Variants in CNTLN observed in about 807,000 individuals in gnomAD.
The protein encoded by CNTLN is centlein, centrosomal protein.
Under a neutral mutation model 180.0 loss-of-function variants are expected in CNTLN, and 212 were observed. The observed-to-expected ratio is 1.18, with a 90% CI of 1.05 to 1.32. The LOEUF is 1.32. Ranked by LOEUF, CNTLN falls within the 40% of genes most tolerant of loss-of-function variation. The probability of loss-of-function intolerance (pLI) is 0.00; values close to 1 mark genes in which losing one functional copy is unlikely to be tolerated. For synonymous variants in CNTLN, 722 were observed against 563.1 expected (o/e 1.28, Z -3.99); for missense variants, 2,095 against 1,610.9 (o/e 1.30, Z -5.14).
chr9:17,473,739 T>C (rs572125431), intron 23 of CNTLN, among the ~76,000 whole-genome samples: 61 of 152,312 alleles, frequency 4.0e-4, no homozygotes, highest in African/African-American at 1.4e-3. Context: ...TTCCATTCTG[T>C]TTTGAACCTT....
chr9:17,299,687 G>T, intron 7 of CNTLN: 1 of 985,058 alleles, frequency 1.0e-6, no homozygotes, highest in Non-Finnish European at 1.2e-6. Context: ...TGCCCACTGT[G>T]TTTTTTGTTT....
intron 15 of CNTLN, among the ~76,000 whole-genome samples, chr9:17,405,600 C>A (rs1174968576): frequency 6.6e-6 from 1 of 151,486 alleles, no homozygotes; most frequent in Non-Finnish European, 1.5e-5. Flanking sequence ...TATTAGATTC[C>A]ACCTCCCAAC....
intron 14 of CNTLN, among the ~76,000 whole-genome samples, chr9:17,392,222 G>A (rs538965700): frequency 6.6e-6 from 1 of 152,058 alleles, no homozygotes; most frequent in Non-Finnish European, 1.5e-5. Flanking sequence ...CCATGATCGA[G>A]CCATGGCACT....
At chr9:17,509,363 G>A in the CNTLN span, among the ~76,000 whole-genome samples, 6 of 152,226 alleles carry the variant, frequency 3.9e-5, no homozygotes, top group African/African-American at 7.2e-5. Flanking sequence ...TCTGGATGTG[G>A]GTTTGCCTTA....
rs35043839 is a variant in CNTLN at position 17,302,089 on chromosome 9, TACACACACACACACAC to T, written c.1146+3753_1146+3768del. The T allele has an allele frequency of 5.4e-6, 5 of 927,878 alleles. No homozygotes were observed. The South Asian group carries it at 2.5e-4, about 47-fold the overall frequency. The allele number at this position is 927,878 out of a possible 1,614,324, so 57.5% of individuals were successfully genotyped here. ...ATAGTGTACTGACTACACATATGTG[TACACACACACACACAC>T]ACACACACACACACAGACACACACA... On this transcript the variant is annotated intron_variant, in intron 7 of 25. Coordinates refer to ENST00000380647, the MANE Select transcript of CNTLN (RefSeq NM_017738.4).
At chr9:17,339,133 T>C (rs1264020501) in intron 10 of CNTLN, among the ~76,000 whole-genome samples, 1 of 152,202 alleles carries the variant, frequency 6.6e-6, no homozygotes, top group Admixed American at 6.5e-5. Flanking sequence ...GTACGGCATA[T>C]AGAACACTTC....
At chr9:17,437,048 G>C (rs1303669931) in intron 18 of CNTLN, among the ~76,000 whole-genome samples, 1 of 152,142 alleles carries the variant, frequency 6.6e-6, no homozygotes, top group Admixed American at 6.5e-5. Context: ...GCGTGACATA[G>C]CCTGTCTCTC....
chr9:17,172,870 A>C (rs1820501594), intron 2 of CNTLN, among the ~76,000 whole-genome samples: 4 of 152,182 alleles, frequency 2.6e-5, no homozygotes, highest in African/African-American at 4.8e-5. Flanking sequence ...CAACATGATT[A>C]ATATCATATT....
Position 17,328,929 on chromosome 9 carries a change from CCAT to C in CNTLN, c.1342-1702_1342-1700del, listed in dbSNP as rs1265752201. Among the ~76,000 whole-genome samples, 3 of 151,586 alleles carry C rather than the reference CCAT, an allele frequency of 2.0e-5. No homozygotes were observed. In the South Asian group the frequency reaches 6.3e-4, roughly 32 times the overall value. ...ATCAGTAGAAATATTAAAAATGAAT[CCAT>C]TATTATAGTGACAGTATCCACTGTT... On this transcript the variant is annotated intron_variant, in intron 8 of 25. Coordinates refer to ENST00000380647, the MANE Select transcript of CNTLN (RefSeq NM_017738.4).
chr9:17,518,860 C>G, the CNTLN span, among the ~76,000 whole-genome samples: 1 of 152,278 alleles, frequency 6.6e-6, no homozygotes, highest in South Asian at 2.1e-4. Flanking sequence ...ACAGAGCTTC[C>G]CTGATGGCTC....
intron 14 of CNTLN, 54 bp downstream of exon 14, chr9:17,388,307 TA>T: frequency 8.6e-7 from 1 of 1,160,248 alleles, no homozygotes; most frequent in Non-Finnish European, 1.3e-6. Flanking sequence ...AATTTTAACA[TA>T]AAGGATTATA....
At chr9:17,333,570 A>G (rs1216842959) in intron 10 of CNTLN, among the ~76,000 whole-genome samples, 1 of 152,182 alleles carries the variant, frequency 6.6e-6, no homozygotes, top group Non-Finnish European at 1.5e-5. Context: ...ATAAATGTTC[A>G]GTTTAGATTA....
At chr9:17,423,386 A>G (rs1828864430) in intron 18 of CNTLN, among the ~76,000 whole-genome samples, 1 of 152,016 alleles carries the variant, frequency 6.6e-6, no homozygotes, top group Admixed American at 6.6e-5. Context: ...GGCTTCAGAG[A>G]TCTGCTTGGT....
Position 17,342,358 on chromosome 9 carries a change from C to T in CNTLN, c.1800C>T (p.Pro600=), listed in dbSNP as rs1200256880. The stretch of plus-strand genomic sequence containing the variant: ...TCAGGAAAATAAAGAGAGCAGATCC[C>T]CAACAACTTCGACAAGAAGATTCTG... ...TEIRKIKRAD[P]QQLRQEDSDA... is the part of the protein sequence containing the mutation. Residue 600 remains proline (P), a synonymous_variant, in exon 12 of 26, where the codon CCC becomes CCT. Transcript: ENST00000380647. The T allele has an allele frequency of 6.2e-7, 1 of 1,611,944 alleles. No homozygotes were observed. The highest frequency in any genetic ancestry group is 1.7e-5 in the Admixed American group (1 of 59,846).
intron 10 of CNTLN, among the ~76,000 whole-genome samples, chr9:17,333,387 T>A (rs957620716): frequency 6.6e-6 from 1 of 152,142 alleles, no homozygotes; most frequent in African/African-American, 2.4e-5. Context: ...GTTTTTTTTC[T>A]CTTTCATTCT....
chr9:17,298,194 G>C lies in CNTLN; in HGVS notation c.988G>C (p.Glu330Gln). ...KDMDITLVRK[E>Q]LQELQNLYKQ... ...TTTATTGCTTGCTTTGCACAGGAAG[G>C]AACTGCAGGAGCTGCAGAATCTTTA... Residue 330 changes from glutamate (E) to glutamine (Q), a missense_variant, in exon 7 of 26, where the codon GAA becomes CAA. Glu to Gln is a conservative substitution (Grantham distance 29). Transcript: ENST00000380647. The C allele has an allele frequency of 2.0e-6, 3 of 1,509,692 alleles. No homozygotes were observed. The highest frequency in any genetic ancestry group is 2.7e-6 in the Non-Finnish European group (3 of 1,129,218). The allele number at this position is 1,509,692 out of a possible 1,614,324, so 93.5% of individuals were successfully genotyped here.
intron 5 of CNTLN, among the ~76,000 whole-genome samples, chr9:17,268,683 G>T (rs1180455687): frequency 6.6e-6 from 1 of 152,250 alleles, no homozygotes; most frequent in Admixed American, 6.5e-5. Context: ...CTGTGGTTGG[G>T]CTCCACCCAG....
chr9:17,337,117 G>T (rs1821100894), intron 10 of CNTLN, among the ~76,000 whole-genome samples: 1 of 152,154 alleles, frequency 6.6e-6, no homozygotes, highest in Non-Finnish European at 1.5e-5. Context: ...CTTTTGAGAA[G>T]TGTCTGTTCA....
rs369389561 is a variant in CNTLN, at chr9:17,402,848, A to G, written c.2616-6445A>G. On this transcript the variant is annotated intron_variant, in intron 15 of 25. Coordinates refer to ENST00000380647, the MANE Select transcript of CNTLN (RefSeq NM_017738.4). Reference sequence around the variant, plus strand: ...CTGAGTCTCTAGCCTACTGGGCCATACTGTAGATTTGGACTTCCTAGCCTT... The same window carrying G: ...CTGAGTCTCTAGCCTACTGGGCCATGCTGTAGATTTGGACTTCCTAGCCTT... Among the ~76,000 whole-genome samples the G allele has an allele frequency of 7.9e-5, 12 of 151,796 alleles. No individual in the cohort carries two copies. The South Asian group carries it at 2.5e-3, about 32-fold the overall frequency.
Sources: gnomAD v4.1 joint callset for allele counts (sites outside exome capture counted in the v4.1 genomes callset) on GRCh38, gnomAD v4.1.1 for gene constraint, MANE v1.5 for transcripts, NCBI Gene and HGNC (gene_info 2026-07-23, HGNC 2026-07-21) for gene names.